The following CDKAL1 variants were observed in gnomAD, a reference collection of about 807,000 sequenced individuals.
CDKAL1 encodes the protein threonylcarbamoyladenosine tRNA methylthiotransferase.
In CDKAL1, 32 loss-of-function variants were observed where a neutral mutation model predicts 68.2. The observed-to-expected ratio is 0.47, with a 90% CI of 0.35 to 0.63. CDKAL1 has a LOEUF of 0.63. Among genes scored for constraint, CDKAL1 ranks in the 30% least tolerant of loss-of-function variants. The pLI is 0.00. For synonymous variants in CDKAL1, 234 were observed against 244.3 expected (o/e 0.96, Z 0.39); for missense variants, 606 against 696.7 (o/e 0.87, Z 1.47).
intron 4 of CDKAL1, among the ~76,000 whole-genome samples, chr6:20,632,448 T>C (rs554407717): frequency 5.9e-5 from 9 of 152,356 alleles, no homozygotes; most frequent in African/African-American, 1.7e-4. Context: ...TCATTGTAAG[T>C]TGGAGACCAT....
chr6:20,803,626 G>A (rs1195355605), intron 8 of CDKAL1, among the ~76,000 whole-genome samples: 2 of 152,176 alleles, frequency 1.3e-5, no homozygotes, highest in Non-Finnish European at 2.9e-5. Flanking sequence ...ATTGACGTAG[G>A]TGGAAGAGTG....
intron 5 of CDKAL1, among the ~76,000 whole-genome samples, chr6:20,731,095 CAG>C (rs1338842832): frequency 2.6e-5 from 4 of 152,022 alleles, no homozygotes; most frequent in African/African-American, 4.8e-5. Flanking sequence ...GTGGCTGAAA[CAG>C]AGTGAATGAG....
intron 10 of CDKAL1, among the ~76,000 whole-genome samples, chr6:20,961,510 G>A (rs1427978969): frequency 6.6e-6 from 1 of 152,190 alleles, no homozygotes; most frequent in African/African-American, 2.4e-5. Flanking sequence ...GCTCACGCCT[G>A]TAATCCCAGC....
At chr6:20,768,413 G>A (rs1167649448) in intron 7 of CDKAL1, among the ~76,000 whole-genome samples, 1 of 152,200 alleles carries the variant, frequency 6.6e-6, no homozygotes, top group Non-Finnish European at 1.5e-5. Context: ...TCTAGCAGAA[G>A]TTAATAGAAT....
intron 9 of CDKAL1, among the ~76,000 whole-genome samples, chr6:20,927,461 G>A (rs545138938): frequency 3.5e-4 from 53 of 152,206 alleles, no homozygotes; most frequent in African/African-American, 1.3e-3. Flanking sequence ...GAACAAAACC[G>A]TTTACAGTTG....
At chr6:21,049,849 A>G (rs1179907824) in intron 11 of CDKAL1, among the ~76,000 whole-genome samples, 3 of 148,198 alleles carry the variant, frequency 2.0e-5, no homozygotes, top group Non-Finnish European at 3.0e-5. Flanking sequence ...TTTGACAGCC[A>G]CTTTTCCAAG....
At chr6:20,988,492 A>G (rs928800100) in intron 10 of CDKAL1, among the ~76,000 whole-genome samples, 12 of 152,108 alleles carry the variant, frequency 7.9e-5, no homozygotes, top group African/African-American at 2.7e-4. Context: ...CCAAAATCTC[A>G]GTGGCTTATA....
At chr6:21,067,007 C>T (rs1481606180) in intron 12 of CDKAL1, among the ~76,000 whole-genome samples, 1 of 152,210 alleles carries the variant, frequency 6.6e-6, no homozygotes, top group African/African-American at 2.4e-5. Flanking sequence ...GTTTTCTGTT[C>T]TCATAGTTCA....
At chr6:20,563,317 C>G in intron 4 of CDKAL1, among the ~76,000 whole-genome samples, 1 of 152,004 alleles carries the variant, frequency 6.6e-6, no homozygotes, top group East Asian at 1.9e-4. Context: ...TAAAACTATT[C>G]AGAAAATCAC....
intron 11 of CDKAL1, among the ~76,000 whole-genome samples, chr6:21,062,752 G>A (rs1300999610): frequency 1.3e-5 from 2 of 152,160 alleles, no homozygotes; most frequent in Non-Finnish European, 2.9e-5. Flanking sequence ...AGTGTGTGAA[G>A]AAAATATGGA....
chr6:20,719,817 G>A (rs1158841489), intron 5 of CDKAL1, among the ~76,000 whole-genome samples: 1 of 152,064 alleles, frequency 6.6e-6, no homozygotes, highest in Non-Finnish European at 1.5e-5. Context: ...ACCTCAACAA[G>A]TAACCACTCT....
intron 4 of CDKAL1, among the ~76,000 whole-genome samples, chr6:20,602,147 C>T (rs186236383): frequency 6.6e-6 from 1 of 152,082 alleles, no homozygotes; most frequent in Non-Finnish European, 1.5e-5. Context: ...TTTGTAGATG[C>T]AAAAACCAAG....
chr6:20,969,122 T>C (rs2150750977), intron 10 of CDKAL1, among the ~76,000 whole-genome samples: 1 of 152,250 alleles, frequency 6.6e-6, no homozygotes, highest in Non-Finnish European at 1.5e-5. Context: ...GTTCAGACCT[T>C]TGAACAATGC....
chr6:20,724,478 A>T (rs1772546682), intron 5 of CDKAL1, among the ~76,000 whole-genome samples: 1 of 152,048 alleles, frequency 6.6e-6, no homozygotes, highest in Non-Finnish European at 1.5e-5. Flanking sequence ...GCACTTTGGG[A>T]GGCCAAGGAG....
chr6:21,214,602 C>T (rs1372937292), intron 15 of CDKAL1, among the ~76,000 whole-genome samples: 1 of 152,050 alleles, frequency 6.6e-6, no homozygotes, highest in Non-Finnish European at 1.5e-5. Context: ...GCTGAAGCAC[C>T]AGCTTATCAG....
intron 2 of CDKAL1, among the ~76,000 whole-genome samples, chr6:20,545,746 G>A (rs913410395): frequency 1.3e-5 from 2 of 152,160 alleles, no homozygotes; most frequent in African/African-American, 4.8e-5. Context: ...ACAGGCATAA[G>A]CCACTGTGGC....
At position 21,152,844 on chromosome 6, in the gene CDKAL1, C is replaced by T. The variant is rs115416629; in HGVS notation, c.1299+44381C>T. ...ATTCAGCCACTCCAGCCATGTACTA[C>T]GCAGATCCAAGGAAGGAGTACCAAA... On this transcript the variant is annotated intron_variant, in intron 13 of 15. Transcript: ENST00000274695. 6.6e-3 allele frequency among the ~76,000 whole-genome samples: 1,007 copies of T among 152,308 alleles called. 12 individuals are homozygous for T. The highest frequency in any genetic ancestry group is 0.023 in the African/African-American group (946 of 41,560).
intron 11 of CDKAL1, among the ~76,000 whole-genome samples, chr6:21,034,101 T>G (rs1005199011): frequency 6.6e-6 from 1 of 152,246 alleles, no homozygotes; most frequent in Non-Finnish European, 1.5e-5. Flanking sequence ...GATTTGTTCC[T>G]TAATAAAGGT....
intron 8 of CDKAL1, among the ~76,000 whole-genome samples, chr6:20,825,708 T>G (rs1399802028): frequency 6.6e-6 from 1 of 152,134 alleles, no homozygotes; most frequent in Admixed American, 6.6e-5. Flanking sequence ...GTAAATACTT[T>G]AAAAAATTGT....
Sources: allele counts gnomAD v4.1 joint callset (sites outside exome capture counted in the v4.1 genomes callset), GRCh38; gene constraint gnomAD v4.1.1; transcripts MANE v1.5; gene names NCBI Gene and HGNC (gene_info 2026-07-23, HGNC 2026-07-21).